NAV1: variants seen among roughly 807,000 people sequenced by gnomAD.
NAV1 encodes the protein neuron navigator 1.
In NAV1, 18 loss-of-function variants were observed where a neutral mutation model predicts 175.2. The ratio of observed to expected loss-of-function variants is 0.10; its 90% CI spans 0.07 to 0.15. NAV1 has a LOEUF of 0.15. Among genes scored for constraint, NAV1 ranks in the 10% least tolerant of loss-of-function variants. The pLI is 1.00. For synonymous variants in NAV1, 897 were observed against 978.7 expected (o/e 0.92, Z 1.56); for missense variants, 1,731 against 2,436.6 (o/e 0.71, Z 6.10).
intron 1 of NAV1, among the ~76,000 whole-genome samples, chr1:201,662,551 T>C (rs1669654388): frequency 6.6e-6 from 1 of 152,178 alleles, no homozygotes; most frequent in Non-Finnish European, 1.5e-5. Context: ...TTCCAGTGCT[T>C]ACCAGCTGGC....
intron 2 of NAV1, among the ~76,000 whole-genome samples, chr1:201,716,810 C>A (rs890644156): frequency 6.6e-6 from 1 of 152,202 alleles, no homozygotes; most frequent in African/African-American, 2.4e-5. Context: ...CTCGGGAGGT[C>A]AAGGCTGCAG....
chr1:201,709,591 C>T (rs1290300381), intron 1 of NAV1, among the ~76,000 whole-genome samples: 1 of 151,818 alleles, frequency 6.6e-6, no homozygotes, highest in Non-Finnish European at 1.5e-5. Context: ...ACCAGGGGCC[C>T]CAACCCTCCA....
chr1:201,592,887 G>A (rs375345642), intron 2 of NAV1, among the ~76,000 whole-genome samples: 2 of 152,048 alleles, frequency 1.3e-5, no homozygotes, highest in African/African-American at 4.8e-5. Context: ...ATTGGGATGC[G>A]GTTCGTGGCC....
upstream of NAV1, among the ~76,000 whole-genome samples, chr1:201,620,788 C>A (rs570490884): frequency 6.6e-6 from 1 of 151,900 alleles, no homozygotes; most frequent in East Asian, 1.9e-4. Flanking sequence ...TATACTCTTA[C>A]CAACACTGGA....
chr1:201,738,007 G>C (rs111837303), intron 3 of NAV1, among the ~76,000 whole-genome samples: 371 of 152,186 alleles, frequency 2.4e-3, no homozygotes, highest in African/African-American at 8.6e-3. Flanking sequence ...GGTGAGGATG[G>C]GAGGCTCAGG....
intron 3 of NAV1, among the ~76,000 whole-genome samples, chr1:201,769,749 TAAGAG>T (rs1419476633): frequency 2.6e-5 from 4 of 151,986 alleles, no homozygotes; most frequent in Non-Finnish European, 5.9e-5. Context: ...AAAATAATTA[TAAGAG>T]AAGAAAAAGA....
At chr1:201,633,700 C>A (rs1026541300) in intron 2 of NAV1, among the ~76,000 whole-genome samples, 3 of 152,246 alleles carry the variant, frequency 2.0e-5, no homozygotes, top group Non-Finnish European at 2.9e-5. Flanking sequence ...CTGCTGTGTT[C>A]TTTGCCCTCT....
At chr1:201,628,558 C>T (rs1055436684) in intron 1 of NAV1, among the ~76,000 whole-genome samples, 3 of 152,172 alleles carry the variant, frequency 2.0e-5, no homozygotes, top group Admixed American at 2.0e-4. Flanking sequence ...ACTGGAGACT[C>T]TCAGGGTTCC....
At chr1:201,755,680 A>C (rs1473667564) in intron 3 of NAV1, among the ~76,000 whole-genome samples, 1 of 152,160 alleles carries the variant, frequency 6.6e-6, no homozygotes, top group African/African-American at 2.4e-5. Context: ...GTGGTTTGTG[A>C]GATTTGGCAA....
At chr1:201,776,333 TA>T (rs1367773007) in intron 3 of NAV1, among the ~76,000 whole-genome samples, 1 of 16,688 alleles carries the variant, frequency 6.0e-5, no homozygotes, top group African/African-American at 2.0e-4. Context: ...ACCCTGACTC[TA>T]CAAAAAAAAA....
intron 14 of NAV1, 25 bp downstream of exon 18, chr1:201,793,900 AGGGGT>A: frequency 3.7e-6 from 1 of 268,004 alleles, no homozygotes; most frequent in Non-Finnish European, 7.7e-6. Context: ...AAAGGGTGGG[AGGGGT>A]GGGTGCGGCG....
At chr1:201,725,246 A>G (rs1369098253) in intron 3 of NAV1, among the ~76,000 whole-genome samples, 1 of 152,214 alleles carries the variant, frequency 6.6e-6, no homozygotes, top group Middle Eastern at 3.2e-3. Context: ...GAGTTGTCCC[A>G]CTTCTTATGT....
At chr1:201,800,042 C>T (rs1338921635) in intron 15 of NAV1, among the ~76,000 whole-genome samples, 1 of 151,534 alleles carries the variant, frequency 6.6e-6, no homozygotes, top group Non-Finnish European at 1.5e-5. Flanking sequence ...CTCTGTTGCC[C>T]AGGCTGGAGC....
intron 1 of NAV1, 57 bp downstream of exon 5, chr1:201,649,482 G>A: frequency 6.9e-7 from 1 of 1,449,192 alleles, no homozygotes; most frequent in South Asian, 1.4e-5. Context: ...CCAGCTGCTG[G>A]GGAAGGTGTG....
chr1:201,561,957 G>A (rs543758100), intron 1 of NAV1, among the ~76,000 whole-genome samples: 1 of 152,314 alleles, frequency 6.6e-6, no homozygotes, highest in African/African-American at 2.4e-5. Context: ...AATCAACCAA[G>A]GAGACCAAGG....
intron 3 of NAV1, among the ~76,000 whole-genome samples, chr1:201,729,702 C>A (rs1216586907): frequency 6.6e-6 from 1 of 151,980 alleles, no homozygotes; most frequent in Non-Finnish European, 1.5e-5. Flanking sequence ...GTCAGGAGAT[C>A]GAGACCATCC....
Position 201,666,352 on chromosome 1 carries a change from C to T in NAV1, c.757+16927C>T, listed in dbSNP as rs116601185. Among the ~76,000 whole-genome samples the T allele has an allele frequency of 5.7e-4, 83 of 144,734 alleles. No individual in the cohort carries two copies. The East Asian group carries it at 0.012, about 20-fold the overall frequency. 95.0% of individuals were successfully genotyped at this position (144,734 alleles called of 152,430 possible). A position where few individuals can be genotyped will look rare whatever the true frequency, so the allele number is the denominator to read the frequency against. ...CAACCTTGTCTTGCCTCCCTCCTTA[C>T]AAAAAAAAAAATAAATCATATATTA... On this transcript the variant is annotated intron_variant, in intron 1 of 29. Coordinates refer to ENST00000367296, the Ensembl canonical transcript of NAV1.
rs1558028951 is a variant in NAV1, at chr1:201,636,668, C to G, written c.4+7161C>G. 2.0e-5 allele frequency among the ~76,000 whole-genome samples: 3 copies of G among 152,158 alleles called. No individual in the cohort carries two copies. In the East Asian group the frequency reaches 5.8e-4, roughly 29 times the overall value. ...AGAAATGCTCAGTTGTCCCTTCTCT[C>G]AAGAAAATCCTTCCAGGAGAAGGAA... On this transcript the variant is annotated intron_variant, in intron 2 of 29. Transcript: ENST00000367302.
intron 1 of NAV1, among the ~76,000 whole-genome samples, chr1:201,706,253 G>C (rs922530912): frequency 8.8e-6 from 1 of 113,914 alleles, no homozygotes; most frequent in African/African-American, 3.7e-5. Flanking sequence ...TATTAAGAAG[G>C]GGTGTGTGTG....
Sources: allele counts gnomAD v4.1 joint callset (sites outside exome capture counted in the v4.1 genomes callset), GRCh38; gene constraint gnomAD v4.1.1; transcripts MANE v1.5; gene names NCBI Gene and HGNC (gene_info 2026-07-23, HGNC 2026-07-21).